Variants in LINC00305 observed in about 807,000 individuals in gnomAD.
LINC00305 encodes the protein long intergenic non-protein coding RNA 305.
intron 1 of LINC00305, among the ~76,000 whole-genome samples, chr18:64,143,675 T>TGTATGTACACGTATTATGCGTAC (rs2051480138): frequency 5.8e-5 from 4 of 69,186 alleles, no homozygotes; most frequent in African/African-American, 2.1e-4. Context: ...TATGTATACA[T>TGTATGTACACGTATTATGCGTAC]ATGTATGTCC....
At chr18:64,104,908 A>T (rs898152826) in intron 1 of LINC00305, among the ~76,000 whole-genome samples, 3 of 151,468 alleles carry the variant, frequency 2.0e-5, no homozygotes, top group Non-Finnish European at 4.4e-5. Context: ...GGCCCTGTGG[A>T]ATTGTTCTAT....
chr18:64,131,586 T>C (rs1348403852), intron 1 of LINC00305, among the ~76,000 whole-genome samples: 1 of 152,212 alleles, frequency 6.6e-6, no homozygotes, highest in African/African-American at 2.4e-5. Context: ...ACAATTTTGT[T>C]CTTATATATA....
intron 1 of LINC00305, among the ~76,000 whole-genome samples, chr18:64,102,120 T>C (rs2051269822): frequency 6.6e-6 from 1 of 152,144 alleles, no homozygotes; most frequent in African/African-American, 2.4e-5. Context: ...ATCAGTAATA[T>C]TTGAAATTTA....
chr18:64,128,332 A>G (rs1470731474), intron 1 of LINC00305, among the ~76,000 whole-genome samples: 1 of 151,562 alleles, frequency 6.6e-6, no homozygotes, highest in Non-Finnish European at 1.5e-5. Context: ...ATAAATTCTT[A>G]GTCTGTGACA....
At chr18:64,143,637 T>TATGTACATATGTACACA (rs1199785006) in intron 1 of LINC00305, among the ~76,000 whole-genome samples, 1 of 115,204 alleles carries the variant, frequency 8.7e-6, no homozygotes, top group African/African-American at 3.7e-5. Context: ...TGTACACGTA[T>TATGTACATATGTACACA]TATGTATACA....
At chr18:64,097,673 G>A (rs554860980) in intron 3 of LINC00305, among the ~76,000 whole-genome samples, 1 of 151,976 alleles carries the variant, frequency 6.6e-6, no homozygotes, top group South Asian at 2.1e-4. Flanking sequence ...GTCAGAAGAG[G>A]GAGCTTTTAG....
At chr18:64,140,434 CGTG>C (rs1255155478) in intron 1 of LINC00305, among the ~76,000 whole-genome samples, 1 of 152,142 alleles carries the variant, frequency 6.6e-6, no homozygotes, top group African/African-American at 2.4e-5. Context: ...GTCTCGAACA[CGTG>C]ACCTCAGGTG....
chr18:64,106,999 G>A (rs2051293791), intron 1 of LINC00305, among the ~76,000 whole-genome samples: 1 of 152,114 alleles, frequency 6.6e-6, no homozygotes, highest in Non-Finnish European at 1.5e-5. Context: ...AAGAAATAGG[G>A]TATAATTGAT....
At chr18:64,104,982 G>A (rs1213026241) in intron 1 of LINC00305, among the ~76,000 whole-genome samples, 2 of 151,840 alleles carry the variant, frequency 1.3e-5, no homozygotes, top group East Asian at 1.9e-4. Flanking sequence ...CCAGCATGCT[G>A]TTCTTGGTCT....
chr18:64,106,459 C>G (rs1259448833), intron 1 of LINC00305, among the ~76,000 whole-genome samples: 1 of 152,088 alleles, frequency 6.6e-6, no homozygotes, highest in Non-Finnish European at 1.5e-5. Flanking sequence ...CTTCTGGTTC[C>G]AATAACAAAT....
At chr18:64,126,483 G>A (rs560477654) in intron 1 of LINC00305, among the ~76,000 whole-genome samples, 7 of 151,926 alleles carry the variant, frequency 4.6e-5, no homozygotes, top group South Asian at 4.2e-4. Flanking sequence ...TCGGCCATTC[G>A]GTTAGACATG....
At chr18:64,086,493 A>G (rs1203263662) in intron 3 of LINC00305, among the ~76,000 whole-genome samples, 1 of 152,218 alleles carries the variant, frequency 6.6e-6, no homozygotes, top group African/African-American at 2.4e-5. Flanking sequence ...GTAGCTTTGG[A>G]AATTTCTAAG....
At chr18:64,136,586 A>C (rs976461720) in intron 1 of LINC00305, among the ~76,000 whole-genome samples, 1 of 152,186 alleles carries the variant, frequency 6.6e-6, no homozygotes, top group Admixed American at 6.5e-5. Context: ...ACACCTGCGG[A>C]TTATTACAAA....
chr18:64,126,062 A>G (rs1453728202), intron 1 of LINC00305, among the ~76,000 whole-genome samples: 1 of 152,060 alleles, frequency 6.6e-6, no homozygotes, highest in African/African-American at 2.4e-5. Flanking sequence ...AGCCTCCAGA[A>G]CCATGAACAA....
At chr18:64,095,791 G>T (rs2051242806) in intron 3 of LINC00305, among the ~76,000 whole-genome samples, 3 of 151,998 alleles carry the variant, frequency 2.0e-5, no homozygotes, top group Admixed American at 2.0e-4. Context: ...CAATGTTTCT[G>T]AATAAAAGAC....
chr18:64,087,549 T>G (rs1403212826), intron 3 of LINC00305, among the ~76,000 whole-genome samples: 1 of 152,216 alleles, frequency 6.6e-6, no homozygotes, highest in Non-Finnish European at 1.5e-5. Context: ...TTACTTAATC[T>G]TGCTTATAGT....
intron 3 of LINC00305, among the ~76,000 whole-genome samples, chr18:64,095,844 T>C (rs2144898522): frequency 6.6e-6 from 1 of 152,246 alleles, no homozygotes; most frequent in South Asian, 2.1e-4. Context: ...TAAGGAATTT[T>C]ATGAGCTGAA....
Position 64,143,738 on chromosome 18 carries a change from A to ATTATGCGTACATGTATGTCCACG in LINC00305, n.314+5036_314+5037insCGTGGACATACATGTACGCATAA, listed in dbSNP as rs1568120289. 4.8e-4 allele frequency among the ~76,000 whole-genome samples: 34 copies of ATTATGCGTACATGTATGTCCACG among 70,472 alleles called. 1 individual carries two copies. Among genetic ancestry groups the ATTATGCGTACATGTATGTCCACG allele is most frequent in the African/African-American group, 1.8e-3 (33 of 18,544 alleles). The allele number at this position is 70,472 out of a possible 152,430, so 46.2% of individuals were successfully genotyped here. On this transcript the variant is annotated intron_variant and non_coding_transcript_variant, in intron 1 of 3. Coordinates refer to ENST00000666468, the Ensembl canonical transcript of LINC00305. The stretch of plus-strand genomic sequence containing the variant: ...ATATTATGCGTACATGTATGTCCAC[A>ATTATGCGTACATGTATGTCCACG]TATTATGCGTACATGTATGTACACA...
chr18:64,115,061 T>C (rs778976799), intron 1 of LINC00305, among the ~76,000 whole-genome samples: 110 of 152,200 alleles, frequency 7.2e-4, no homozygotes, highest in Non-Finnish European at 1.4e-3. Context: ...ACTGCCACCA[T>C]TGGTTTTGAA....
Sources: allele counts gnomAD v4.1 joint callset (sites outside exome capture counted in the v4.1 genomes callset), GRCh38; gene constraint gnomAD v4.1.1; transcripts MANE v1.5; gene names NCBI Gene and HGNC (gene_info 2026-07-23, HGNC 2026-07-21).